Variants in SNX24 observed in about 807,000 individuals in gnomAD.
SNX24 encodes sorting nexin 24.
Under a neutral mutation model 28.7 loss-of-function variants are expected in SNX24, and 22 were observed. The observed-to-expected ratio is 0.77, with a 90% CI of 0.55 to 1.10. The LOEUF is 1.10. Ranked by LOEUF, SNX24 falls within the 50% of genes least tolerant of loss-of-function variation. SNX24 has a pLI of 0.00. For missense variants in SNX24, 221 were observed against 201.1 expected (o/e 1.10, Z -0.60); for synonymous variants, 69 against 71.5 (o/e 0.96, Z 0.18).
At chr5:122,971,412 T>C (rs1760952121) in intron 3 of SNX24, among the ~76,000 whole-genome samples, 1 of 152,118 alleles carries the variant, frequency 6.6e-6, no homozygotes, top group Non-Finnish European at 1.5e-5. Flanking sequence ...ATACTTTGCA[T>C]CCTTGAACCC....
chr5:122,929,783 A>G (rs2150110651), intron 1 of SNX24, among the ~76,000 whole-genome samples: 1 of 151,936 alleles, frequency 6.6e-6, no homozygotes, highest in East Asian at 1.9e-4. Context: ...TCTAATTTGA[A>G]CACTTTTAAG....
intron 1 of SNX24, among the ~76,000 whole-genome samples, chr5:122,924,615 A>G (rs968514790): frequency 2.0e-5 from 3 of 152,190 alleles, no homozygotes; most frequent in Admixed American, 2.0e-4. Flanking sequence ...ATCACAGCTA[A>G]GGGGGGACTA....
intron 1 of SNX24, among the ~76,000 whole-genome samples, chr5:122,922,096 T>G (rs942718772): frequency 1.3e-5 from 2 of 152,214 alleles, no homozygotes; most frequent in African/African-American, 4.8e-5. Context: ...AACTGCTCTC[T>G]GAAAATCTTT....
At chr5:122,959,249 T>A (rs1420306568) in intron 3 of SNX24, among the ~76,000 whole-genome samples, 1 of 151,886 alleles carries the variant, frequency 6.6e-6, no homozygotes, top group African/African-American at 2.4e-5. Context: ...ATGGGCAAAT[T>A]CTCATTTGTC....
chr5:122,992,238 G>A (rs759225358), intron 3 of SNX24, among the ~76,000 whole-genome samples: 4 of 152,106 alleles, frequency 2.6e-5, no homozygotes, highest in Non-Finnish European at 5.9e-5. Flanking sequence ...TTAATGCGTG[G>A]TCCCTGGATC....
chr5:122,921,702 T>C (rs1459006480), intron 1 of SNX24, among the ~76,000 whole-genome samples: 1 of 152,170 alleles, frequency 6.6e-6, no homozygotes, highest in East Asian at 1.9e-4. Context: ...TTAGATTTAG[T>C]TCCGGCTCTT....
intron 5 of SNX24, among the ~76,000 whole-genome samples, chr5:123,019,788 A>C (rs868828133): frequency 2.6e-5 from 4 of 152,262 alleles, no homozygotes; most frequent in South Asian, 2.1e-4. Context: ...GATCTGCAAA[A>C]CAGTGAACTA....
At chr5:122,870,830 G>A (rs26371) in intron 1 of SNX24, among the ~76,000 whole-genome samples, 28,570 of 152,118 alleles carry the variant, frequency 0.19, 3,145 homozygotes, top group East Asian at 0.47. Context: ...GAAAAAGGCT[G>A]TTGATGTGGT....
At chr5:122,846,532 T>C (rs1754643409) in intron 1 of SNX24, among the ~76,000 whole-genome samples, 1 of 152,256 alleles carries the variant, frequency 6.6e-6, no homozygotes, top group Non-Finnish European at 1.5e-5. Context: ...AAAGATTTGT[T>C]ATTTTATTTA....
intron 3 of SNX24, among the ~76,000 whole-genome samples, chr5:122,974,011 C>T (rs1761063177): frequency 6.6e-6 from 1 of 152,194 alleles, no homozygotes; most frequent in African/African-American, 2.4e-5. Flanking sequence ...TTCTCCTGTT[C>T]TGGACTCGAA....
intron 1 of SNX24, among the ~76,000 whole-genome samples, chr5:122,858,957 A>T (rs936640119): frequency 4.6e-5 from 7 of 152,320 alleles, no homozygotes; most frequent in African/African-American, 1.7e-4. Flanking sequence ...CATGTTGCCC[A>T]GGCTAGTCTC....
At chr5:122,947,759 T>G (rs913204894) in intron 3 of SNX24, among the ~76,000 whole-genome samples, 2 of 152,210 alleles carry the variant, frequency 1.3e-5, no homozygotes, top group African/African-American at 4.8e-5. Flanking sequence ...TATAATTAAA[T>G]GGAATAGGTA....
At chr5:122,931,834 T>C (rs1443230172) in intron 1 of SNX24, among the ~76,000 whole-genome samples, 1 of 151,874 alleles carries the variant, frequency 6.6e-6, no homozygotes, top group African/African-American at 2.4e-5. Flanking sequence ...TTTTCTTTTT[T>C]CTTTTTCTCT....
intron 1 of SNX24, among the ~76,000 whole-genome samples, chr5:122,888,198 C>T (rs866949610): frequency 6.6e-6 from 1 of 152,042 alleles, no homozygotes. Flanking sequence ...GACTGTTCTT[C>T]TATGGTTTAT....
intron 1 of SNX24, among the ~76,000 whole-genome samples, chr5:122,870,128 G>A (rs1238433598): frequency 6.6e-6 from 1 of 152,150 alleles, no homozygotes; most frequent in Non-Finnish European, 1.5e-5. Flanking sequence ...AGTATAGAAT[G>A]TTTTTCATCT....
intron 3 of SNX24, 67 bp from the exon 4 acceptor site, chr5:122,999,845 T>C: frequency 1.1e-6 from 1 of 924,016 alleles, no homozygotes; most frequent in South Asian, 1.3e-5. Flanking sequence ...CTTTTTGAAA[T>C]AGTTCATTTG....
intron 2 of SNX24, 39 bp from the exon 3 acceptor site, chr5:122,946,016 T>TA: frequency 8.4e-7 from 1 of 1,194,632 alleles, no homozygotes; most frequent in Non-Finnish European, 1.2e-6. Context: ...ACATCTCTGT[T>TA]TTTTTTTTTC....
chr5:123,022,661 C>CCAAA (rs2150187505), intron 5 of SNX24: 1 of 152,338 alleles, frequency 6.6e-6, no homozygotes, highest in East Asian at 1.9e-4. Context: ...CATATTGATG[C>CCAAA]CAAACAGTAT....
intron 1 of SNX24, among the ~76,000 whole-genome samples, chr5:122,898,924 C>G (rs561665871): frequency 6.6e-6 from 1 of 152,312 alleles, no homozygotes; most frequent in Non-Finnish European, 1.5e-5. Flanking sequence ...GAACTGGAGT[C>G]AGAGAACCTT....
Sources: allele counts gnomAD v4.1 joint callset (sites outside exome capture counted in the v4.1 genomes callset), GRCh38; gene constraint gnomAD v4.1.1; transcripts MANE v1.5; gene names NCBI Gene and HGNC (gene_info 2026-07-23, HGNC 2026-07-21).